Variants in PTPRG observed in about 807,000 individuals in gnomAD.
PTPRG encodes the protein protein tyrosine phosphatase receptor type G.
PTPRG carries 102 observed loss-of-function variants against 165.3 expected under a neutral mutation model. The observed-to-expected ratio is 0.62, with a 90% CI of 0.53 to 0.73. The LOEUF is 0.73. Among genes scored for constraint, PTPRG ranks in the 30% least tolerant of loss-of-function variants. PTPRG has a pLI of 0.00. For synonymous variants in PTPRG, 675 were observed against 669.5 expected, an observed-to-expected ratio of 1.01 and a Z score of -0.13; for missense variants, 1,866 against 1,861.4, an observed-to-expected ratio of 1.00 and a Z score of -0.05.
chr3:61,776,084 AAAATT>A (rs1043661023), intron 2 of PTPRG, among the ~76,000 whole-genome samples: 7 of 45,414 alleles, frequency 1.5e-4, no homozygotes, highest in African/African-American at 4.3e-4. Context: ...TAATAATAAT[AAAATT>A]AAAAAAAAAA....
intron 2 of PTPRG, among the ~76,000 whole-genome samples, chr3:61,774,528 A>G (rs1310915294): frequency 6.6e-6 from 1 of 152,230 alleles, no homozygotes; most frequent in African/African-American, 2.4e-5. Context: ...CCAGAGGACA[A>G]GAAGGCCACA....
intron 2 of PTPRG, among the ~76,000 whole-genome samples, chr3:61,983,465 C>T (rs1378850663): frequency 6.6e-6 from 1 of 152,018 alleles, no homozygotes; most frequent in Non-Finnish European, 1.5e-5. Context: ...GCATATTTGA[C>T]TAGAAACAGC....
intron 1 of PTPRG, among the ~76,000 whole-genome samples, chr3:61,632,018 T>G (rs180685003): frequency 2.6e-5 from 4 of 152,148 alleles, no homozygotes; most frequent in Non-Finnish European, 5.9e-5. Context: ...CAAAAATCTA[T>G]AGTCAGCTGG....
At chr3:62,181,674 T>C (rs981559786) in intron 8 of PTPRG, among the ~76,000 whole-genome samples, 3 of 152,184 alleles carry the variant, frequency 2.0e-5, no homozygotes, top group African/African-American at 4.8e-5. Context: ...TCTTCTCATA[T>C]TGATGGTTTT....
chr3:61,600,173 A>AAATAT (rs1409193580), intron 1 of PTPRG, among the ~76,000 whole-genome samples: 8 of 123,480 alleles, frequency 6.5e-5, no homozygotes, highest in African/African-American at 2.4e-4. Flanking sequence ...AAAAAAAAAA[A>AAATAT]ATATATATAT....
chr3:62,237,679 T>C lies in PTPRG; in HGVS notation c.2376-6128T>C, dbSNP rs1701064136. ...TTAGAAATTTCAGTCCAAGAGAAAA[T>C]ATTCCTAATCACAAGCTTCATGTGT... On this transcript the variant is annotated intron_variant, in intron 14 of 29. Coordinates refer to ENST00000474889, the MANE Select transcript of PTPRG (RefSeq NM_002841.4). This position sits in a 1 kb window ranked among gnomAD's most constrained non-coding sequence, Gnocchi z 4.5. Among the ~76,000 whole-genome samples the C allele has an allele frequency of 6.6e-6, 1 of 152,172 alleles. No homozygotes were observed. The highest frequency in any genetic ancestry group is 1.5e-5 in the Non-Finnish European group (1 of 68,034).
intron 5 of PTPRG, among the ~76,000 whole-genome samples, chr3:62,110,883 G>A (rs993465862): frequency 2.0e-5 from 3 of 152,164 alleles, no homozygotes; most frequent in Non-Finnish European, 4.4e-5. Flanking sequence ...TCTTTGAAAT[G>A]GTGTCTGAAT....
chr3:62,011,252 G>T (rs1031065192), intron 4 of PTPRG, among the ~76,000 whole-genome samples: 6 of 152,226 alleles, frequency 3.9e-5, no homozygotes, highest in Non-Finnish European at 7.3e-5. Flanking sequence ...CAAGCTCCCT[G>T]TGCAGGTTCC....
At chr3:61,830,981 A>G (rs971931528) in intron 2 of PTPRG, among the ~76,000 whole-genome samples, 4 of 152,268 alleles carry the variant, frequency 2.6e-5, no homozygotes, top group Middle Eastern at 3.4e-3. Context: ...TCAAAGACCT[A>G]ATGAGAATGT....
At chr3:62,086,572 C>T (rs1386768733) in intron 5 of PTPRG, among the ~76,000 whole-genome samples, 2 of 152,146 alleles carry the variant, frequency 1.3e-5, no homozygotes, top group Non-Finnish European at 2.9e-5. Flanking sequence ...GTTTGAATAT[C>T]GTCCTTCTGG....
intron 2 of PTPRG, among the ~76,000 whole-genome samples, chr3:61,837,331 G>A (rs2036497583): frequency 1.3e-5 from 2 of 152,196 alleles, no homozygotes; most frequent in Admixed American, 1.3e-4. Context: ...TCACAGGTGT[G>A]AGCCACCGCA....
intron 3 of PTPRG, among the ~76,000 whole-genome samples, chr3:62,000,617 CAAA>C (rs1045974222): frequency 6.6e-6 from 1 of 152,052 alleles, no homozygotes; most frequent in African/African-American, 2.4e-5. Context: ...GATGCCATCT[CAAA>C]AAAAGTAAAA....
chr3:62,172,452 T>G (rs914270507), intron 8 of PTPRG, among the ~76,000 whole-genome samples: 17 of 152,246 alleles, frequency 1.1e-4, no homozygotes, highest in African/African-American at 3.9e-4. Context: ...CTAGTGAATA[T>G]GAGGTTGCAT....
intron 2 of PTPRG, among the ~76,000 whole-genome samples, chr3:61,948,065 C>T (rs2039807769): frequency 6.6e-6 from 1 of 152,166 alleles, no homozygotes; most frequent in Admixed American, 6.5e-5. Context: ...TGGCTCAAGC[C>T]TGTAATCCCA....
chr3:62,030,948 C>T lies in PTPRG; in HGVS notation c.519+27451C>T, dbSNP rs527810049. On this transcript the variant is annotated intron_variant, in intron 4 of 29. Coordinates refer to ENST00000474889, the MANE Select transcript of PTPRG (RefSeq NM_002841.4). ...GATTTGAATAAAAATATCCAAGACACAATTTGTTGGTGTAAACCAATTGCA... is the reference window on the plus strand; with the variant it reads ...GATTTGAATAAAAATATCCAAGACATAATTTGTTGGTGTAAACCAATTGCA... Among the ~76,000 whole-genome samples, 216 of 152,280 alleles carry T rather than the reference C, an allele frequency of 1.4e-3. 1 individual carries two copies. The highest frequency in any genetic ancestry group is 5.0e-3 in the African/African-American group (207 of 41,538).
At chr3:61,962,160 A>G (rs1325867843) in intron 2 of PTPRG, among the ~76,000 whole-genome samples, 1 of 152,190 alleles carries the variant, frequency 6.6e-6, no homozygotes, top group Non-Finnish European at 1.5e-5. Context: ...TAAGAAATAC[A>G]TGGTGAGAGG....
chr3:61,737,090 G>T (rs1191720031), intron 1 of PTPRG, among the ~76,000 whole-genome samples: 1 of 152,110 alleles, frequency 6.6e-6, no homozygotes. Flanking sequence ...ATCCTTGTAT[G>T]TGCTGTTCCC....
chr3:61,675,765 A>G (rs977876039), intron 1 of PTPRG, among the ~76,000 whole-genome samples: 9 of 152,292 alleles, frequency 5.9e-5, no homozygotes, highest in African/African-American at 2.2e-4. Context: ...TTTGCAGATG[A>G]GTAATGAGGG....
intron 1 of PTPRG, among the ~76,000 whole-genome samples, chr3:61,743,881 C>T (rs1374095095): frequency 6.6e-6 from 1 of 152,130 alleles, no homozygotes; most frequent in Non-Finnish European, 1.5e-5. Context: ...AAGTTGCTGA[C>T]ATAAGCAAGT....
Sources: gnomAD v4.1 joint callset for allele counts (sites outside exome capture counted in the v4.1 genomes callset) on GRCh38, gnomAD v4.1.1 for gene constraint, Gnocchi (gnomAD v3.1) non-coding constraint, MANE v1.5 for transcripts, NCBI Gene and HGNC (gene_info 2026-07-23, HGNC 2026-07-21) for gene names.